The following AGBL4 variants were observed in gnomAD, a reference collection of about 807,000 sequenced individuals.
AGBL4 encodes AGBL carboxypeptidase 4.
Under a neutral mutation model 66.4 loss-of-function variants are expected in AGBL4, and 58 were observed. The ratio of observed to expected loss-of-function variants is 0.87; its 90% confidence interval spans 0.71 to 1.09. AGBL4 has a LOEUF of 1.09. Ranked by LOEUF, AGBL4 falls within the 50% of genes least tolerant of loss-of-function variation. AGBL4 has a pLI of 0.00. For synonymous variants in AGBL4, 234 were observed against 222.9 expected, an observed-to-expected ratio of 1.05 and a Z score of -0.44; for missense variants, 579 against 631.0, an observed-to-expected ratio of 0.92 and a Z score of 0.88.
intron 5 of AGBL4, among the ~76,000 whole-genome samples, chr1:49,006,749 AC>A (rs1170760704): frequency 9.6e-4 from 126 of 130,606 alleles, no homozygotes; most frequent in African/African-American, 3.3e-3. Flanking sequence ...ACTGGGAGGC[AC>A]CCCCCAGCAG....
intron 3 of AGBL4, among the ~76,000 whole-genome samples, chr1:49,366,747 G>A (rs1032533580): frequency 7.9e-5 from 12 of 152,070 alleles, no homozygotes; most frequent in Non-Finnish European, 1.8e-4. Context: ...CCATATCTAG[G>A]CTCAACTTGA....
chr1:49,006,075 C>T (rs542322147), intron 5 of AGBL4, among the ~76,000 whole-genome samples: 9 of 152,126 alleles, frequency 5.9e-5, no homozygotes, highest in South Asian at 2.1e-4. Context: ...GCGTGAGCGA[C>T]GCAGAAGACA....
intron 3 of AGBL4, among the ~76,000 whole-genome samples, chr1:49,624,037 A>G (rs975076270): frequency 6.7e-6 from 1 of 149,218 alleles, no homozygotes; most frequent in Admixed American, 6.6e-5. Context: ...GTGTGTACAC[A>G]TGTGATGTGA....
intron 4 of AGBL4, among the ~76,000 whole-genome samples, chr1:49,213,533 G>A (rs975114165): frequency 3.9e-5 from 6 of 151,948 alleles, no homozygotes; most frequent in African/African-American, 9.7e-5. Context: ...CATGTGAGAC[G>A]CTTGCTCCTC....
chr1:49,272,412 TA>T (rs1644080755), intron 3 of AGBL4, among the ~76,000 whole-genome samples: 2 of 152,208 alleles, frequency 1.3e-5, no homozygotes, highest in South Asian at 4.1e-4. Context: ...AAGACTAAAT[TA>T]AAAATTACTT....
chr1:49,586,210 A>G (rs1644643818), intron 3 of AGBL4, among the ~76,000 whole-genome samples: 1 of 152,176 alleles, frequency 6.6e-6, no homozygotes, highest in African/African-American at 2.4e-5. Context: ...ACTTGGAAAA[A>G]AAACACCGAG....
chr1:48,825,380 C>T (rs1306458870), intron 6 of AGBL4, among the ~76,000 whole-genome samples: 1 of 152,156 alleles, frequency 6.6e-6, no homozygotes, highest in South Asian at 2.1e-4. Context: ...AAATATCCCA[C>T]CTCAGAAAAG....
intron 6 of AGBL4, among the ~76,000 whole-genome samples, chr1:48,850,699 T>C (rs1337617411): frequency 6.6e-6 from 1 of 152,112 alleles, no homozygotes; most frequent in Non-Finnish European, 1.5e-5. Flanking sequence ...TAATTTTCTG[T>C]AGAGACGGGG....
intron 2 of AGBL4, among the ~76,000 whole-genome samples, chr1:49,843,246 C>T (rs1010231215): frequency 3.3e-5 from 5 of 152,034 alleles, no homozygotes; most frequent in African/African-American, 1.2e-4. Context: ...CCTGCCTCGG[C>T]CTCCTGAGTA....
At chr1:49,607,577 T>C (rs982722155) in intron 3 of AGBL4, among the ~76,000 whole-genome samples, 1 of 152,166 alleles carries the variant, frequency 6.6e-6, no homozygotes, top group Non-Finnish European at 1.5e-5. Flanking sequence ...TTTGTGGCTC[T>C]GGTAATCACT....
At chr1:48,630,288 A>G (rs1480996560) in intron 9 of AGBL4, among the ~76,000 whole-genome samples, 2 of 152,208 alleles carry the variant, frequency 1.3e-5, no homozygotes, top group Non-Finnish European at 2.9e-5. Flanking sequence ...ATACAAGGAC[A>G]GCAGGCTCCT....
intron 3 of AGBL4, among the ~76,000 whole-genome samples, chr1:49,554,059 G>C (rs970773524): frequency 4.6e-5 from 7 of 152,158 alleles, no homozygotes; most frequent in Non-Finnish European, 1.0e-4. Context: ...TTTGAGGCCA[G>C]GAGTTCCAGG....
chr1:49,349,867 A>G lies in AGBL4; in HGVS notation c.283-104003T>C, dbSNP rs543531925. On this transcript the variant is annotated intron_variant, in intron 3 of 13. Coordinates refer to ENST00000371839, the MANE Select transcript of AGBL4 (RefSeq NM_032785.4). ...TGTTCTTATAAGAAAATATTAGGAC[A>G]CAGATACGCATGTGCACAGAGAAAA... Among the ~76,000 whole-genome samples the G allele has an allele frequency of 2.4e-4, 37 of 152,352 alleles. 1 individual carries two copies. In the South Asian group the frequency reaches 7.5e-3, roughly 31 times the overall value.
At chr1:49,009,763 G>A (rs867045712) in intron 5 of AGBL4, among the ~76,000 whole-genome samples, 1,593 of 150,744 alleles carry the variant, frequency 0.011, 26 homozygotes, top group African/African-American at 0.037. Flanking sequence ...TATAAACAGA[G>A]CCAAAGACAA....
intron 3 of AGBL4, among the ~76,000 whole-genome samples, chr1:49,495,627 T>C (rs1356621703): frequency 1.3e-5 from 2 of 151,762 alleles, no homozygotes; most frequent in African/African-American, 4.8e-5. Flanking sequence ...GAAATAACAA[T>C]AACAATAGTA....
At chr1:49,424,400 G>A (rs1645613343) in intron 3 of AGBL4, among the ~76,000 whole-genome samples, 3 of 152,152 alleles carry the variant, frequency 2.0e-5, no homozygotes, top group Admixed American at 2.0e-4. Flanking sequence ...GGCAGACCCA[G>A]AATGCTTTGT....
intron 3 of AGBL4, among the ~76,000 whole-genome samples, chr1:49,649,201 C>T (rs919955501): frequency 1.3e-5 from 2 of 151,986 alleles, no homozygotes; most frequent in African/African-American, 4.8e-5. Flanking sequence ...AAACAAGATC[C>T]AACTATATGT....
chr1:49,583,323 G>T (rs1465709005), intron 3 of AGBL4, among the ~76,000 whole-genome samples: 1 of 152,150 alleles, frequency 6.6e-6, no homozygotes, highest in Non-Finnish European at 1.5e-5. Context: ...TGCTCAGGAC[G>T]CTTCCAGACC....
At chr1:49,204,046 C>T (rs1228889201) in intron 4 of AGBL4, among the ~76,000 whole-genome samples, 1 of 151,994 alleles carries the variant, frequency 6.6e-6, no homozygotes, top group African/African-American at 2.4e-5. Context: ...GTAGACAGGG[C>T]CCTCAGGGCA....
Sources: gnomAD v4.1 joint callset for allele counts (sites outside exome capture counted in the v4.1 genomes callset) on GRCh38, gnomAD v4.1.1 for gene constraint, MANE v1.5 for transcripts, NCBI Gene and HGNC (gene_info 2026-07-23, HGNC 2026-07-21) for gene names.